The following UNC13C variants were observed in gnomAD, a reference collection of about 807,000 sequenced individuals.
UNC13C encodes unc-13 homolog C.
In UNC13C, 174 loss-of-function variants were observed where a neutral mutation model predicts 245.4. The ratio of observed to expected loss-of-function variants is 0.71; its 90% CI spans 0.63 to 0.80. The LOEUF (loss-of-function observed/expected upper bound fraction) is 0.80. Among genes scored for constraint, UNC13C ranks in the 30% least tolerant of loss-of-function variants. The probability of loss-of-function intolerance (pLI) is 0.00; values close to 1 mark genes in which losing one functional copy is unlikely to be tolerated. For missense variants in UNC13C, 2,829 were observed against 2,602.9 expected (o/e 1.09, Z -1.89); for synonymous variants, 992 against 895.1 (o/e 1.11, Z -1.93).
chr15:54,538,133 CAAAAAAAAAAAAAA>C (rs56041311), intron 26 of UNC13C, among the ~76,000 whole-genome samples: 182 of 10,278 alleles, frequency 0.018, 3 homozygotes, highest in South Asian at 0.098. Flanking sequence ...CATTAACAAG[CAAAAAAAAAAAAAA>C]AAAAAAAAAA....
At chr15:54,555,579 C>T (rs767675208) in intron 29 of UNC13C, 67 bp downstream of exon 29, 34 of 1,258,704 alleles carry the variant, frequency 2.7e-5, no homozygotes, top group Non-Finnish European at 3.4e-5. Flanking sequence ...GATAGGTAGC[C>T]CTGATCTTAG....
intron 30 of UNC13C, among the ~76,000 whole-genome samples, chr15:54,616,896 G>T (rs1032046267): frequency 1.3e-5 from 2 of 151,892 alleles, no homozygotes; most frequent in Non-Finnish European, 2.9e-5. Flanking sequence ...CAATATAGGT[G>T]TCTTGTTTTT....
At chr15:54,486,212 C>T in intron 19 of UNC13C, among the ~76,000 whole-genome samples, 1 of 150,240 alleles carries the variant, frequency 6.7e-6, no homozygotes. Flanking sequence ...GAGTTTGAGA[C>T]CAACCTGGTC....
At chr15:54,031,370 G>A (rs1272715435) in intron 2 of UNC13C, among the ~76,000 whole-genome samples, 2 of 152,154 alleles carry the variant, frequency 1.3e-5, no homozygotes, top group Non-Finnish European at 2.9e-5. Flanking sequence ...ACTACAGGCA[G>A]CCGCCACCGC....
chr15:54,041,060 G>C (rs559094609), intron 2 of UNC13C, among the ~76,000 whole-genome samples: 2 of 152,298 alleles, frequency 1.3e-5, no homozygotes, highest in African/African-American at 4.8e-5. Context: ...TCCATGGAAA[G>C]TTAGCTACAC....
intron 1 of UNC13C, among the ~76,000 whole-genome samples, chr15:53,986,058 G>A (rs1004499850): frequency 3.7e-4 from 57 of 152,126 alleles, no homozygotes; most frequent in African/African-American, 1.3e-3. Context: ...ATCCAGGGAG[G>A]AATCCCCAAT....
chr15:54,399,770 G>A (rs1036727888), intron 18 of UNC13C, among the ~76,000 whole-genome samples: 18 of 151,928 alleles, frequency 1.2e-4, no homozygotes, highest in African/African-American at 3.9e-4. Flanking sequence ...TGTTTTTAAA[G>A]ATAGGATGTT....
At chr15:54,060,571 G>C (rs1897770664) in intron 2 of UNC13C, among the ~76,000 whole-genome samples, 1 of 152,114 alleles carries the variant, frequency 6.6e-6, no homozygotes, top group Admixed American at 6.6e-5. Flanking sequence ...GATTCCTCAG[G>C]GATCTAGAAC....
the UNC13C span, among the ~76,000 whole-genome samples, chr15:53,956,420 G>A: frequency 2.0e-5 from 3 of 151,832 alleles, no homozygotes; most frequent in African/African-American, 7.3e-5. Context: ...ACCGGTGCCA[G>A]CTGCTCAGAA....
At chr15:54,530,396 C>G (rs1895681949) in intron 25 of UNC13C, among the ~76,000 whole-genome samples, 1 of 152,192 alleles carries the variant, frequency 6.6e-6, no homozygotes, top group South Asian at 2.1e-4. Context: ...CCCAATATTT[C>G]CTGCATAACC....
At chr15:54,527,894 A>G (rs1230854107) in intron 25 of UNC13C, among the ~76,000 whole-genome samples, 2 of 152,178 alleles carry the variant, frequency 1.3e-5, no homozygotes, top group Non-Finnish European at 2.9e-5. Context: ...TCACACTACC[A>G]ATCAGGTCTA....
chr15:54,603,550 C>G (rs567485552), intron 30 of UNC13C, among the ~76,000 whole-genome samples: 52 of 152,150 alleles, frequency 3.4e-4, no homozygotes, highest in Non-Finnish European at 3.8e-4. Context: ...TGAAACCATT[C>G]ACATGTGGAT....
intron 18 of UNC13C, among the ~76,000 whole-genome samples, chr15:54,401,696 C>A (rs902904829): frequency 6.6e-6 from 1 of 151,998 alleles, no homozygotes; most frequent in African/African-American, 2.4e-5. Context: ...AGCAGAGTCA[C>A]GTACTGGAGG....
intron 30 of UNC13C, among the ~76,000 whole-genome samples, chr15:54,613,325 A>ATTAAAAAATGTCTATTAAAATTGTGT (rs1266073646): frequency 6.6e-6 from 1 of 151,928 alleles, no homozygotes; most frequent in Admixed American, 6.6e-5. Flanking sequence ...TAGTTGACAT[A>ATTAAAAAATGTCTATTAAAATTGTGT]TTAAAAAATG....
intron 19 of UNC13C, among the ~76,000 whole-genome samples, chr15:54,420,311 C>T (rs1468260204): frequency 6.6e-6 from 1 of 152,040 alleles, no homozygotes; most frequent in African/African-American, 2.4e-5. Context: ...CAGGAGACCT[C>T]AGTTGTTCTC....
chr15:54,113,675 A>C (rs2029996578), intron 2 of UNC13C, among the ~76,000 whole-genome samples: 1 of 151,948 alleles, frequency 6.6e-6, no homozygotes, highest in Admixed American at 6.6e-5. Context: ...AAATACGAAA[A>C]ATTAGCTGGG....
intron 4 of UNC13C, among the ~76,000 whole-genome samples, chr15:54,179,405 T>A (rs550768849): frequency 6.6e-6 from 1 of 152,210 alleles, no homozygotes; most frequent in East Asian, 1.9e-4. Flanking sequence ...GCACTAAATG[T>A]AGGAATACAT....
chr15:54,184,373 C>T (rs1187410331), intron 4 of UNC13C, among the ~76,000 whole-genome samples: 1 of 152,044 alleles, frequency 6.6e-6, no homozygotes, highest in African/African-American at 2.4e-5. Context: ...CCCATTAACT[C>T]GTCATTTAGC....
chr15:53,935,164 A>T, the UNC13C span, among the ~76,000 whole-genome samples: 4 of 151,914 alleles, frequency 2.6e-5, 1 homozygote, highest in Middle Eastern at 0.01. Context: ...ATTAAAAAAA[A>T]AAACCTCTTT....
Sources: gnomAD v4.1 joint callset for allele counts (sites outside exome capture counted in the v4.1 genomes callset) on GRCh38, gnomAD v4.1.1 for gene constraint, MANE v1.5 for transcripts, NCBI Gene and HGNC (gene_info 2026-07-23, HGNC 2026-07-21) for gene names.